BABAM2: variants seen among roughly 807,000 people sequenced by gnomAD.
BABAM2 encodes the protein BRISC and BRCA1-A complex member 2.
Under a neutral mutation model 54.7 loss-of-function variants are expected in BABAM2, and 31 were observed. That is an observed-to-expected ratio of 0.57 (90% confidence interval 0.43 to 0.77). The LOEUF (loss-of-function observed/expected upper bound fraction) is 0.77, where lower values mean the gene tolerates loss of function less well. BABAM2 is among the 30% of genes least tolerant of loss of function. The pLI, the probability that BABAM2 is intolerant of heterozygous loss-of-function variation, is 0.00. For synonymous variants in BABAM2, 167 were observed against 162.9 expected (o/e 1.03, Z -0.19); for missense variants, 364 against 455.8 (o/e 0.80, Z 1.83).
At chr2:28,047,317 C>G (rs942995149) in intron 6 of BABAM2, among the ~76,000 whole-genome samples, 2 of 152,104 alleles carry the variant, frequency 1.3e-5, no homozygotes, top group African/African-American at 4.8e-5. Context: ...TCTAAGAAAC[C>G]CTTATAGCAT....
At chr2:28,201,934 A>C (rs1199453487) in intron 7 of BABAM2, among the ~76,000 whole-genome samples, 1 of 8,200 alleles carries the variant, frequency 1.2e-4, no homozygotes, top group Non-Finnish European at 0.014. Flanking sequence ...GTACAGATAC[A>C]GAACCGGTGT....
At chr2:28,130,598 G>A (rs1322549180) in intron 7 of BABAM2, among the ~76,000 whole-genome samples, 1 of 151,990 alleles carries the variant, frequency 6.6e-6, no homozygotes, top group Admixed American at 6.6e-5. Context: ...GACTCCAGGT[G>A]CCACCATGCA....
chr2:28,076,670 G>T (rs1430179498), intron 6 of BABAM2, among the ~76,000 whole-genome samples: 1 of 151,448 alleles, frequency 6.6e-6, no homozygotes, highest in Non-Finnish European at 1.5e-5. Context: ...TATTTTTTTT[G>T]TTTTGTTTTG....
chr2:28,273,891 CACTT>C (rs1290194506), intron 10 of BABAM2, among the ~76,000 whole-genome samples: 1 of 152,180 alleles, frequency 6.6e-6, no homozygotes. Context: ...ATGAGATTGA[CACTT>C]ACCCTGCCTA....
At chr2:28,092,227 G>A (rs2063017) in intron 6 of BABAM2, among the ~76,000 whole-genome samples, 138,756 of 152,176 alleles carry the variant, frequency 0.91, 63,311 homozygotes, top group East Asian at 1. Context: ...GCCATAAGAC[G>A]AGAAAAAATA....
chr2:28,147,274 AT>A (rs1356224325), intron 7 of BABAM2, among the ~76,000 whole-genome samples: 1 of 152,164 alleles, frequency 6.6e-6, no homozygotes, highest in African/African-American at 2.4e-5. Flanking sequence ...TTCCTTCTTC[AT>A]TTTGACAAAT....
At chr2:28,218,086 A>T (rs2148005638) in intron 7 of BABAM2, among the ~76,000 whole-genome samples, 1 of 152,252 alleles carries the variant, frequency 6.6e-6, no homozygotes, top group East Asian at 1.9e-4. Flanking sequence ...ATTTTGCCCC[A>T]TTTGCCTTAT....
intron 10 of BABAM2, among the ~76,000 whole-genome samples, chr2:28,263,185 G>T (rs1368161319): frequency 2.0e-5 from 3 of 150,220 alleles, no homozygotes; most frequent in Non-Finnish European, 4.4e-5. Context: ...GAGGGGAGGG[G>T]ATTATTATTA....
intron 7 of BABAM2, among the ~76,000 whole-genome samples, chr2:28,175,477 C>G (rs1482361157): frequency 6.6e-6 from 1 of 152,196 alleles, no homozygotes; most frequent in Non-Finnish European, 1.5e-5. Context: ...CACCCTGTCC[C>G]CACTGCCAGC....
At chr2:28,236,833 AG>A (rs1263309737) in intron 7 of BABAM2, among the ~76,000 whole-genome samples, 1 of 152,176 alleles carries the variant, frequency 6.6e-6, no homozygotes, top group Non-Finnish European at 1.5e-5. Flanking sequence ...ATTTTAGTTC[AG>A]TTTCAATGTT....
chr2:28,112,083 CTCTTTCTTTCTTTCTTTCTT>C (rs1194065542), intron 6 of BABAM2, among the ~76,000 whole-genome samples: 1 of 98,774 alleles, frequency 1.0e-5, no homozygotes, highest in African/African-American at 3.6e-5. Flanking sequence ...ATACCCATTA[CTCTTTCTTTCTTTCTTTCTT>C]TCTTTCTTTC....
At chr2:28,177,964 A>G (rs1229230583) in intron 7 of BABAM2, among the ~76,000 whole-genome samples, 1 of 151,892 alleles carries the variant, frequency 6.6e-6, no homozygotes, top group East Asian at 1.9e-4. Flanking sequence ...CTAGACATAT[A>G]TGCAGACAAC....
chr2:27,918,329 A>G (rs1371388735), intron 2 of BABAM2, among the ~76,000 whole-genome samples: 2 of 152,110 alleles, frequency 1.3e-5, no homozygotes, highest in East Asian at 1.9e-4. Flanking sequence ...GTGGAATCAT[A>G]TAGTCTTTGT....
intron 7 of BABAM2, among the ~76,000 whole-genome samples, chr2:28,211,577 C>G (rs1481371013): frequency 6.6e-6 from 1 of 151,762 alleles, no homozygotes; most frequent in African/African-American, 2.4e-5. Context: ...TTAGTAGAGA[C>G]AGGGTTTCAC....
chr2:28,337,995 T>C (rs1691616951), intron 11 of BABAM2, among the ~76,000 whole-genome samples: 1 of 152,078 alleles, frequency 6.6e-6, no homozygotes, highest in Admixed American at 6.5e-5. Flanking sequence ...TCTAAAAAAA[T>C]CAAATGTGTT....
At chr2:28,172,154 T>C (rs1432808753) in intron 7 of BABAM2, among the ~76,000 whole-genome samples, 3 of 152,050 alleles carry the variant, frequency 2.0e-5, no homozygotes, top group South Asian at 2.1e-4. Context: ...CTTAATAGAA[T>C]TGATCATTCC....
chr2:27,900,885 T>C (rs1296188938), intron 2 of BABAM2, among the ~76,000 whole-genome samples: 1 of 151,788 alleles, frequency 6.6e-6, no homozygotes, highest in Admixed American at 6.6e-5. Flanking sequence ...CTACTAAAAA[T>C]ACAAAAAATT....
At chr2:27,965,483 C>G (rs1294031258) in intron 3 of BABAM2, among the ~76,000 whole-genome samples, 1 of 152,060 alleles carries the variant, frequency 6.6e-6, no homozygotes. Flanking sequence ...AATTTTGAAG[C>G]AAATTCCGAG....
At chr2:28,024,915 A>G (rs1675537674) in intron 4 of BABAM2, among the ~76,000 whole-genome samples, 7 of 152,236 alleles carry the variant, frequency 4.6e-5, no homozygotes, top group Admixed American at 4.6e-4. Context: ...TTCCAGGGCT[A>G]AAATTATGGT....
Sources: allele counts gnomAD v4.1 joint callset (sites outside exome capture counted in the v4.1 genomes callset), GRCh38; gene constraint gnomAD v4.1.1; transcripts MANE v1.5; gene names NCBI Gene and HGNC (gene_info 2026-07-23, HGNC 2026-07-21).